DMD: variants seen among roughly 807,000 people sequenced by gnomAD.
DMD encodes mutant dystrophin.
A neutral mutation model predicts 330.1 loss-of-function variants in DMD; 63 were observed. The ratio of observed to expected loss-of-function variants is 0.19; its 90% CI spans 0.16 to 0.24. The LOEUF is 0.24. DMD is among the 10% of genes least tolerant of loss of function. The probability of loss-of-function intolerance (pLI) is 1.00; values close to 1 mark genes in which losing one functional copy is unlikely to be tolerated. For missense variants in DMD, 3,344 were observed against 2,684.1 expected (o/e 1.25, Z -5.43); for synonymous variants, 1,223 against 959.8 (o/e 1.27, Z -5.07).
chrX:31,644,968 G>C (rs1246985847), intron 54 of DMD, among the ~76,000 whole-genome samples: 2 of 111,739 alleles, frequency 1.8e-5, no homozygotes, highest in Non-Finnish European at 3.8e-5. Flanking sequence ...CTAGCAACTA[G>C]GCTAAAAGTA....
intron 1 of DMD, among the ~76,000 whole-genome samples, chrX:33,088,622 T>C (rs1253618671): frequency 9.0e-6 from 1 of 110,901 alleles, no homozygotes; most frequent in Non-Finnish European, 1.9e-5. Flanking sequence ...GAGGCGGAGC[T>C]TGCAGTGAGC....
chrX:33,233,701 C>G (rs774308912), intron 1 of DMD, among the ~76,000 whole-genome samples: 121 of 111,453 alleles, frequency 1.1e-3, no homozygotes, highest in African/African-American at 3.9e-3. Flanking sequence ...CAGGAGAGAT[C>G]TTTGTGGTCA....
chrX:31,723,623 A>C (rs1321316128), intron 52 of DMD, among the ~76,000 whole-genome samples: 4 of 77,665 alleles, frequency 5.2e-5, no homozygotes, highest in East Asian at 4.3e-4. Flanking sequence ...TATCCTCCAC[A>C]ACACACACAC....
At chrX:32,782,959 TACACAC>T (rs1312209499) in intron 7 of DMD, among the ~76,000 whole-genome samples, 1 of 103,173 alleles carries the variant, frequency 9.7e-6, no homozygotes, top group East Asian at 3.1e-4. Context: ...CACACACACA[TACACAC>T]ACACATATAT....
At chrX:31,123,762 C>T (rs1482141845) in intron 78 of DMD, among the ~76,000 whole-genome samples, 1 of 111,681 alleles carries the variant, frequency 9.0e-6, no homozygotes, top group Non-Finnish European at 1.9e-5. Context: ...TTTCTCATGG[C>T]CCACATGTGA....
rs546319340 is a variant in DMD at position 32,459,556 on chromosome X, C to G, written c.3432+3883G>C. On this transcript the variant is annotated intron_variant, in intron 25 of 78. Coordinates refer to ENST00000357033, the MANE Select transcript of DMD (RefSeq NM_004006.3). Reference sequence around the variant, plus strand: ...CAGATACATGTCTGATTGTCTTTTTCTCCGAAATAAATATGGCTAAGATGG... The same window carrying G: ...CAGATACATGTCTGATTGTCTTTTTGTCCGAAATAAATATGGCTAAGATGG... Among the ~76,000 whole-genome samples the G allele has an allele frequency of 5.4e-5, 6 of 111,232 alleles. No homozygotes were observed. The South Asian group carries it at 2.3e-3, about 42-fold the overall frequency.
chrX:31,451,695 C>A (rs1047615448), intron 59 of DMD, among the ~76,000 whole-genome samples: 2 of 111,179 alleles, frequency 1.8e-5, no homozygotes, highest in Non-Finnish European at 3.8e-5. Context: ...CTCATTTCTG[C>A]CAAATTCTGA....
intron 20 of DMD, 122 bp downstream of exon 20, chrX:32,491,155 C>T (rs201487603): frequency 5.5e-6 from 5 of 911,906 alleles, no homozygotes; most frequent in South Asian, 2.1e-5. Context: ...AACTTTATTG[C>T]GCTTAGCTAA....
At chrX:33,211,771 G>A (rs754254664), upstream of DMD, among the ~76,000 whole-genome samples, 8 of 112,458 alleles carry the variant, frequency 7.1e-5, no homozygotes, top group African/African-American at 2.3e-4. Flanking sequence ...CATAGTACTT[G>A]CTTTTAAAGC....
At chrX:32,535,247 G>A (rs1250162597) in intron 17 of DMD, among the ~76,000 whole-genome samples, 1 of 111,569 alleles carries the variant, frequency 9.0e-6, no homozygotes, top group Admixed American at 9.5e-5. Context: ...GAACCCATCT[G>A]TGCAGTAATA....
chrX:32,863,273 T>C (rs1399062501), intron 2 of DMD, among the ~76,000 whole-genome samples: 3 of 109,278 alleles, frequency 2.7e-5, no homozygotes, highest in Non-Finnish European at 5.7e-5. Context: ...CCCCAGTACT[T>C]TGGGAGGCCG....
At chrX:32,517,707 A>C in intron 18 of DMD, 1 of 382,232 alleles carries the variant, frequency 2.6e-6, no homozygotes, top group East Asian at 4.3e-5. Context: ...GTAACTGAAC[A>C]ATATATGAAA....
chrX:32,123,166 C>T (rs2096644470), intron 44 of DMD, among the ~76,000 whole-genome samples: 1 of 83,151 alleles, frequency 1.2e-5, no homozygotes, highest in South Asian at 6.5e-4. Flanking sequence ...AAGGGGAATA[C>T]TAAAACCTAG....
At chrX:32,091,758 T>C (rs912206881) in intron 44 of DMD, among the ~76,000 whole-genome samples, 1 of 111,680 alleles carries the variant, frequency 9.0e-6, no homozygotes, top group Non-Finnish European at 1.9e-5. Context: ...AAAATATTAT[T>C]CACATACTAA....
chrX:31,885,560 A>G (rs1789286946), intron 47 of DMD, among the ~76,000 whole-genome samples: 1 of 98,659 alleles, frequency 1.0e-5, no homozygotes, highest in Admixed American at 1.2e-4. Flanking sequence ...CAGTGAGCCG[A>G]GATCGCGCCA....
chrX:31,536,570 C>T (rs2073422923), intron 55 of DMD, among the ~76,000 whole-genome samples: 1 of 111,576 alleles, frequency 9.0e-6, no homozygotes, highest in South Asian at 3.8e-4. Flanking sequence ...AATTGCCACT[C>T]ACCTTAAATC....
intron 55 of DMD, among the ~76,000 whole-genome samples, chrX:31,565,857 T>C (rs908680771): frequency 8.9e-6 from 1 of 112,553 alleles, no homozygotes; most frequent in Non-Finnish European, 1.9e-5. Context: ...ATTTCTCTAA[T>C]GGCTAATGTT....
At chrX:32,393,873 T>G (rs1469327149) in intron 30 of DMD, among the ~76,000 whole-genome samples, 4 of 111,149 alleles carry the variant, frequency 3.6e-5, no homozygotes, top group Non-Finnish European at 7.6e-5. Flanking sequence ...ATAGGTTCAA[T>G]GGGATCAATA....
chrX:31,849,547 G>A (rs914341965), intron 48 of DMD, among the ~76,000 whole-genome samples: 16 of 110,447 alleles, frequency 1.4e-4, no homozygotes, highest in Middle Eastern at 4.2e-3. Flanking sequence ...GAAGAAGTAC[G>A]GAGCTATCAC....
Sources: gnomAD v4.1 joint callset for allele counts (sites outside exome capture counted in the v4.1 genomes callset) on GRCh38, gnomAD v4.1.1 for gene constraint, MANE v1.5 for transcripts, NCBI Gene and HGNC (gene_info 2026-07-23, HGNC 2026-07-21) for gene names.